PDS5A: variants seen among roughly 807,000 people sequenced by gnomAD.
PDS5A encodes the protein sister chromatid cohesion protein PDS5 homolog A.
PDS5A carries 42 observed loss-of-function variants against 167.1 expected under a neutral mutation model. The ratio of observed to expected loss-of-function variants is 0.25; its 90% confidence interval spans 0.20 to 0.33. The LOEUF (loss-of-function observed/expected upper bound fraction) is 0.33. Ranked by LOEUF, PDS5A falls within the 10% of genes least tolerant of loss-of-function variation. PDS5A has a pLI of 1.00. For synonymous variants in PDS5A, 553 were observed against 554.6 expected (o/e 1.00, Z 0.04); for missense variants, 1,033 against 1,605.9 (o/e 0.64, Z 6.10).
At chr4:39,873,205 GA>G in intron 20 of PDS5A, 61 bp from the exon 21 acceptor site, 1 of 1,027,092 alleles carries the variant, frequency 9.7e-7, no homozygotes, top group East Asian at 2.8e-5. Flanking sequence ...ACACTCTACT[GA>G]AACAGTACAT....
At chr4:39,855,838 C>A (rs150429301) in intron 26 of PDS5A, among the ~76,000 whole-genome samples, 47 of 152,176 alleles carry the variant, frequency 3.1e-4, no homozygotes, top group Admixed American at 2.0e-4. Context: ...AATGAACCTG[C>A]AAGAAACAAT....
chr4:39,916,065 T>TCAAA (rs1432397484), intron 8 of PDS5A, among the ~76,000 whole-genome samples: 2 of 151,874 alleles, frequency 1.3e-5, no homozygotes, highest in South Asian at 2.1e-4. Flanking sequence ...AGAACCCCTC[T>TCAAA]CAAACAAACA....
chr4:39,959,617 C>A (rs905377782), intron 2 of PDS5A, among the ~76,000 whole-genome samples: 4 of 152,072 alleles, frequency 2.6e-5, no homozygotes, highest in African/African-American at 9.6e-5. Flanking sequence ...GGATCACAGG[C>A]GTGAGCCACC....
chr4:39,931,317 AT>A (rs1275456087), intron 2 of PDS5A, among the ~76,000 whole-genome samples: 2 of 151,904 alleles, frequency 1.3e-5, no homozygotes, highest in African/African-American at 2.4e-5. Flanking sequence ...GGCTAAAAAA[AT>A]TTTTTTTAAT....
chr4:39,928,399 C>A (rs1177193449), intron 2 of PDS5A, among the ~76,000 whole-genome samples: 1 of 152,138 alleles, frequency 6.6e-6, no homozygotes, highest in African/African-American at 2.4e-5. Flanking sequence ...ATTGTCTGCA[C>A]TAGTACCTCA....
At position 39,926,828 on chromosome 4, in the gene PDS5A, C is replaced by A. The variant is rs1578758249; in HGVS notation, c.376G>T (p.Gly126Cys). The part of the protein sequence containing the change: ...IFLFITRQLK[G>C]LEDTKSPQFN... ...TGTGGACTCTTTGTATCCTCCAAAC[C>A]TTTTAATTGTCTGGTAATAAACAAA... is the stretch of plus-strand genomic sequence containing the variant. Residue 126 changes from glycine (G) to cysteine (C), a missense_variant, in exon 4 of 33, where the codon GGT becomes TGT. Physicochemically the swap from Gly to Cys is radical, Grantham distance 159. This residue lies in a region of PDS5A where 388 missense variants were observed against 615.1 expected (regional missense o/e 0.63). Coordinates refer to ENST00000303538, the MANE Select transcript of PDS5A (RefSeq NM_001100399.2). 2 of 1,416,530 alleles carry A rather than the reference C, an allele frequency of 1.4e-6. No individual in the cohort carries two copies. Among genetic ancestry groups the A allele is most frequent in the Admixed American group, 3.2e-5 (1 of 31,472 alleles). The allele number at this position is 1,416,530 out of a possible 1,614,324, so 87.7% of individuals were successfully genotyped here.
At chr4:39,847,547 T>C (rs970438673) in intron 28 of PDS5A, 16 of 151,752 alleles carry the variant, frequency 1.1e-4, no homozygotes, top group African/African-American at 1.7e-4. Flanking sequence ...GAGGCTGCAG[T>C]GAGCCAAGAT....
At chr4:39,965,773 G>T (rs182485800) in intron 2 of PDS5A, among the ~76,000 whole-genome samples, 4 of 152,164 alleles carry the variant, frequency 2.6e-5, no homozygotes, top group African/African-American at 7.2e-5. Context: ...TTGTTGCCAG[G>T]AGCTGGGGAA....
At chr4:39,957,425 C>T (rs1046001913) in intron 2 of PDS5A, among the ~76,000 whole-genome samples, 25 of 152,224 alleles carry the variant, frequency 1.6e-4, no homozygotes, top group African/African-American at 5.8e-4. Context: ...TACTCATCCA[C>T]GGCTTTCACA....
intron 5 of PDS5A, among the ~76,000 whole-genome samples, chr4:39,923,638 A>AACACACACACACAAAC (rs376190459): frequency 0.02 from 2,479 of 125,224 alleles, 29 homozygotes; most frequent in East Asian, 0.051. Flanking sequence ...CCTGTCTCAA[A>AACACACACACACAAAC]ACACACACAC....
At chr4:39,883,940 C>CTT (rs58050331) in intron 17 of PDS5A, among the ~76,000 whole-genome samples, 86 of 143,458 alleles carry the variant, frequency 6.0e-4, no homozygotes, top group East Asian at 5.9e-3. Flanking sequence ...TTCTCCTTTG[C>CTT]TTTTTTTTTT....
At chr4:39,883,204 T>C (rs898058526) in intron 17 of PDS5A, among the ~76,000 whole-genome samples, 10 of 152,140 alleles carry the variant, frequency 6.6e-5, no homozygotes, top group Admixed American at 3.9e-4. Context: ...AAGAAGAAGA[T>C]GGAGTCTCAC....
intron 32 of PDS5A, among the ~76,000 whole-genome samples, chr4:39,829,516 A>T (rs1359315436): frequency 6.6e-6 from 1 of 151,920 alleles, no homozygotes; most frequent in Non-Finnish European, 1.5e-5. Flanking sequence ...GTGTGGTGGC[A>T]CACACCTGTA....
intron 8 of PDS5A, 40 bp downstream of exon 8, chr4:39,917,008 A>G: frequency 7.6e-7 from 1 of 1,309,398 alleles, no homozygotes; most frequent in Non-Finnish European, 1.0e-6. Context: ...TCTAGAAACA[A>G]AAAAATTAAA....
chr4:39,845,326 C>G (rs1404573041), intron 29 of PDS5A, among the ~76,000 whole-genome samples: 1 of 152,058 alleles, frequency 6.6e-6, no homozygotes, highest in Non-Finnish European at 1.5e-5. Flanking sequence ...ATTATTCAAT[C>G]AAAATACAAA....
intron 2 of PDS5A, 132 bp from the exon 3 acceptor site, chr4:39,928,296 T>C (rs1439455751): frequency 3.4e-6 from 2 of 593,372 alleles, no homozygotes; most frequent in Non-Finnish European, 5.9e-6. Context: ...AGTCAACTTT[T>C]TATAAATCTT....
At chr4:39,952,668 A>G (rs1728525465) in intron 2 of PDS5A, among the ~76,000 whole-genome samples, 1 of 151,634 alleles carries the variant, frequency 6.6e-6, no homozygotes, top group Non-Finnish European at 1.5e-5. Context: ...CATGTGATAC[A>G]TTACCTAAAT....
chr4:39,850,548 A>T (rs1471548197), intron 26 of PDS5A, among the ~76,000 whole-genome samples: 1 of 152,200 alleles, frequency 6.6e-6, no homozygotes, highest in African/African-American at 2.4e-5. Flanking sequence ...AATAATGAGC[A>T]AATCAACACA....
Position 39,872,696 on chromosome 4 carries a change from T to C in PDS5A, c.2436+290A>G, listed in dbSNP as rs1473099932. On this transcript the variant is annotated intron_variant, in intron 21 of 32. Transcript: ENST00000303538. Reference sequence around the variant, plus strand: ...AACCCAATTCTAACATTCCAGAAAATGATAAACTGTCTTTTGAGGGTCAGG... The same window carrying C: ...AACCCAATTCTAACATTCCAGAAAACGATAAACTGTCTTTTGAGGGTCAGG... The C allele has an allele frequency of 3.6e-5, 7 of 193,230 alleles. No individual in the cohort carries two copies. In the East Asian group the frequency reaches 8.4e-4, roughly 23 times the overall value. The allele number at this position is 193,230 out of a possible 1,614,324, so 12.0% of individuals were successfully genotyped here. A position where few individuals can be genotyped will look rare whatever the true frequency, so the allele number is the denominator to read the frequency against.
Sources: gnomAD v4.1 joint callset for allele counts (sites outside exome capture counted in the v4.1 genomes callset) on GRCh38, gnomAD v4.1.1 for gene constraint, gnomAD v4.1.1 regional missense constraint, MANE v1.5 for transcripts, NCBI Gene and HGNC (gene_info 2026-07-23, HGNC 2026-07-21) for gene names.